The following PTPRD variants were observed in gnomAD, a reference collection of about 807,000 sequenced individuals.
PTPRD encodes the protein protein tyrosine phosphatase receptor type D.
Under a neutral mutation model 214.5 loss-of-function variants are expected in PTPRD, and 34 were observed. The ratio of observed to expected loss-of-function variants is 0.16; its 90% CI spans 0.12 to 0.21. The LOEUF (loss-of-function observed/expected upper bound fraction) is 0.21, where lower values mean the gene tolerates loss of function less well. Among genes scored for constraint, PTPRD ranks in the 10% least tolerant of loss-of-function variants. The probability of loss-of-function intolerance (pLI) is 1.00; values close to 1 mark genes in which losing one functional copy is unlikely to be tolerated. For missense variants in PTPRD, 2,545 were observed against 2,398.7 expected, an observed-to-expected ratio of 1.06 and a Z score of -1.27; for synonymous variants, 1,128 against 845.7, an observed-to-expected ratio of 1.33 and a Z score of -5.79.
chr9:10,448,282 C>T (rs1374877229), intron 2 of PTPRD, among the ~76,000 whole-genome samples: 3 of 151,958 alleles, frequency 2.0e-5, no homozygotes, highest in African/African-American at 4.8e-5. Context: ...GATAGCCTGG[C>T]TCTTGAGAAA....
At chr9:10,594,647 G>C (rs1421122578) in intron 2 of PTPRD, among the ~76,000 whole-genome samples, 2 of 151,958 alleles carry the variant, frequency 1.3e-5, no homozygotes, top group African/African-American at 2.4e-5. Context: ...TTCCAAGACT[G>C]ACCCACTTAG....
At chr9:9,693,104 C>G (rs1001053667) in intron 7 of PTPRD, among the ~76,000 whole-genome samples, 3 of 151,468 alleles carry the variant, frequency 2.0e-5, no homozygotes, top group African/African-American at 7.3e-5. Flanking sequence ...ATTTGGATGC[C>G]CTTTATTTCT....
chr9:10,501,051 G>A (rs1407581660), intron 2 of PTPRD, among the ~76,000 whole-genome samples: 1 of 151,944 alleles, frequency 6.6e-6, no homozygotes, highest in African/African-American at 2.4e-5. Flanking sequence ...TGGGGTATAT[G>A]CCCAGCAGTG....
Position 8,485,838 on chromosome 9 carries a change from T to G in PTPRD, c.2979A>C (p.Lys993Asn), listed in dbSNP as rs2135912491. The G allele has an allele frequency of 1.2e-6, 2 of 1,614,162 alleles. No homozygotes were observed. Among genetic ancestry groups the G allele is most frequent in the South Asian group, 1.1e-5 (1 of 91,078 alleles). Residue 993 changes from lysine (K) to asparagine (N), a missense_variant, in exon 28 of 46, where the codon AAA (lysine) becomes AAC (asparagine). Lys to Asn is a moderately conservative substitution (Grantham distance 94, BLOSUM62 0). Transcript: ENST00000381196. Reference sequence around the variant, plus strand: ...GCCCTTTGCTCGTATGAGCACGTACTTTTACATCGTATGTGGTATCTGGTT... The same window carrying G: ...GCCCTTTGCTCGTATGAGCACGTACGTTTACATCGTATGTGGTATCTGGTT... ...GLKPDTTYDV[K>N]VRAHTSKGPG...
At chr9:10,568,673 A>G (rs2066446838) in intron 2 of PTPRD, among the ~76,000 whole-genome samples, 1 of 152,174 alleles carries the variant, frequency 6.6e-6, no homozygotes, top group Non-Finnish European at 1.5e-5. Context: ...AAATGGGGAA[A>G]GGATTCCCTA....
At chr9:10,064,102 C>G (rs1391600123) in intron 3 of PTPRD, among the ~76,000 whole-genome samples, 2 of 151,198 alleles carry the variant, frequency 1.3e-5, no homozygotes, top group Non-Finnish European at 2.9e-5. Flanking sequence ...TTTTTGTCTT[C>G]AATGTGTAAC....
intron 14 of PTPRD, among the ~76,000 whole-genome samples, chr9:8,631,381 T>C (rs1327713660): frequency 6.6e-6 from 1 of 151,848 alleles, no homozygotes; most frequent in African/African-American, 2.4e-5. Context: ...TTTCCACCCT[T>C]GATGGTTGGG....
intron 26 of PTPRD, among the ~76,000 whole-genome samples, chr9:8,496,211 A>AAACACAC (rs2097266839): frequency 2.7e-4 from 25 of 91,518 alleles, no homozygotes; most frequent in African/African-American, 9.1e-4. Context: ...CACACACACA[A>AAACACAC]ACACACACAC....
At chr9:8,587,878 A>G (rs1388155370) in intron 14 of PTPRD, among the ~76,000 whole-genome samples, 1 of 152,204 alleles carries the variant, frequency 6.6e-6, no homozygotes, top group Non-Finnish European at 1.5e-5. Flanking sequence ...CCAGATGAAA[A>G]TCGTAAATCC....
At chr9:10,400,715 T>A (rs954736679) in intron 2 of PTPRD, among the ~76,000 whole-genome samples, 4 of 151,644 alleles carry the variant, frequency 2.6e-5, no homozygotes, top group Non-Finnish European at 4.4e-5. Context: ...TTTAAACATA[T>A]TAAAATTATC....
chr9:9,220,422 A>G (rs2099955147), intron 9 of PTPRD, among the ~76,000 whole-genome samples: 3 of 151,716 alleles, frequency 2.0e-5, no homozygotes, highest in Admixed American at 1.3e-4. Flanking sequence ...AGGCCAATAC[A>G]CTAACTAAGT....
At chr9:9,925,275 T>C (rs1430472761) in intron 5 of PTPRD, among the ~76,000 whole-genome samples, 1 of 152,020 alleles carries the variant, frequency 6.6e-6, no homozygotes, top group East Asian at 1.9e-4. Context: ...AGGATAAAAT[T>C]GTTGCCTTAC....
chr9:10,079,182 G>A (rs771081339), intron 3 of PTPRD, among the ~76,000 whole-genome samples: 15 of 151,922 alleles, frequency 9.9e-5, no homozygotes, highest in Non-Finnish European at 1.9e-4. Context: ...GGTAAAAATG[G>A]TACTGGCAAG....
intron 35 of PTPRD, among the ~76,000 whole-genome samples, chr9:8,414,983 C>T (rs1023813406): frequency 9.1e-6 from 1 of 110,438 alleles, no homozygotes; most frequent in South Asian, 2.6e-4. Flanking sequence ...GACAGACAGA[C>T]AGGGGGCAGT....
chr9:9,994,892 A>C (rs1358470052), intron 4 of PTPRD, among the ~76,000 whole-genome samples: 3 of 152,100 alleles, frequency 2.0e-5, no homozygotes, highest in African/African-American at 7.2e-5. Flanking sequence ...ATATAATGTT[A>C]ATATTGGATA....
intron 3 of PTPRD, among the ~76,000 whole-genome samples, chr9:10,206,725 C>G (rs1271012936): frequency 2.0e-5 from 3 of 152,028 alleles, no homozygotes; most frequent in Non-Finnish European, 4.4e-5. Context: ...TGGTGTTATC[C>G]ATTCACAGTT....
intron 11 of PTPRD, among the ~76,000 whole-genome samples, chr9:8,974,968 G>A (rs575364222): frequency 2.4e-4 from 36 of 151,644 alleles, no homozygotes; most frequent in African/African-American, 8.0e-4. Flanking sequence ...GTGGTGGCGG[G>A]TGCCTATATT....
At chr9:9,919,309 G>A (rs1206748932) in intron 5 of PTPRD, among the ~76,000 whole-genome samples, 2 of 152,006 alleles carry the variant, frequency 1.3e-5, no homozygotes, top group East Asian at 1.9e-4. Context: ...ATTGAGCTGG[G>A]TGAATTGGTG....
At chr9:9,113,457 T>A (rs1385902778) in intron 10 of PTPRD, among the ~76,000 whole-genome samples, 3 of 152,092 alleles carry the variant, frequency 2.0e-5, no homozygotes, top group Non-Finnish European at 4.4e-5. Flanking sequence ...TCATTCTGAG[T>A]TAGGCCAGAA....
Sources: allele counts gnomAD v4.1 joint callset (sites outside exome capture counted in the v4.1 genomes callset), GRCh38; gene constraint gnomAD v4.1.1; transcripts MANE v1.5; gene names NCBI Gene and HGNC (gene_info 2026-07-23, HGNC 2026-07-21).